The following BAALC variants were observed in gnomAD, a reference collection of about 807,000 sequenced individuals.
BAALC encodes BAALC binder of MAP3K1 and KLF4, also known as brain and acute leukemia cytoplasmic protein.
BAALC carries 9 observed loss-of-function variants against 15.5 expected under a neutral mutation model. That is an observed-to-expected ratio of 0.58 (90% confidence interval 0.35 to 1.02). The LOEUF is 1.02. Ranked by LOEUF, BAALC falls within the 50% of genes least tolerant of loss-of-function variation. The probability of loss-of-function intolerance (pLI) is 0.02; values close to 1 mark genes in which losing one functional copy is unlikely to be tolerated. For missense variants in BAALC, 201 were observed against 192.4 expected (o/e 1.04, Z -0.27); for synonymous variants, 80 against 74.6 (o/e 1.07, Z -0.37).
chr8:103,183,239 A>C (rs1222212249), intron 1 of BAALC: 1 of 658,680 alleles, frequency 1.5e-6, no homozygotes. Flanking sequence ...GACACCAGCA[A>C]GATGGCCAAG....
chr8:103,144,585 C>T (rs1290089376), intron 1 of BAALC, among the ~76,000 whole-genome samples: 1 of 152,170 alleles, frequency 6.6e-6, no homozygotes, highest in Non-Finnish European at 1.5e-5. Context: ...CTAGCTCAGT[C>T]ATTCCATTCA....
chr8:103,162,425 A>G (rs1440493236), intron 1 of BAALC, among the ~76,000 whole-genome samples: 4 of 152,238 alleles, frequency 2.6e-5, no homozygotes, highest in Non-Finnish European at 5.9e-5. Context: ...CAGATGGAAC[A>G]GCTGGGACTG....
chr8:103,161,054 C>G (rs6994179), intron 1 of BAALC, among the ~76,000 whole-genome samples: 1 of 152,044 alleles, frequency 6.6e-6, no homozygotes, highest in South Asian at 2.1e-4. Flanking sequence ...ACTTGCTAGA[C>G]AGGTAGGTTC....
chr8:103,199,335 T>A (rs1812162852), intron 1 of BAALC, among the ~76,000 whole-genome samples: 1 of 152,228 alleles, frequency 6.6e-6, no homozygotes. Flanking sequence ...TTTTAACTTT[T>A]GCCATTCTGA....
intron 1 of BAALC, among the ~76,000 whole-genome samples, chr8:103,186,659 G>A (rs1464509458): frequency 2.6e-5 from 4 of 152,060 alleles, no homozygotes; most frequent in Non-Finnish European, 4.4e-5. Flanking sequence ...ACCCCTTCCT[G>A]CTTTCTCTCA....
chr8:103,222,200 G>T (rs374920754), intron 2 of BAALC, among the ~76,000 whole-genome samples: 1 of 152,132 alleles, frequency 6.6e-6, no homozygotes, highest in African/African-American at 2.4e-5. Context: ...GAGAGAGCAG[G>T]TTGTAAATTT....
At chr8:103,180,282 G>A (rs1028380983) in intron 1 of BAALC, among the ~76,000 whole-genome samples, 1 of 152,048 alleles carries the variant, frequency 6.6e-6, no homozygotes, top group African/African-American at 2.4e-5. Context: ...GGTGGTGCCC[G>A]TGGTTTACTG....
intron 1 of BAALC, among the ~76,000 whole-genome samples, chr8:103,209,403 C>G (rs888735794): frequency 2.0e-5 from 3 of 152,136 alleles, no homozygotes; most frequent in African/African-American, 7.2e-5. Flanking sequence ...GTATGGCACA[C>G]TGGGGGAGAC....
chr8:103,225,267 C>T (rs1812778931), intron 2 of BAALC, among the ~76,000 whole-genome samples: 1 of 152,180 alleles, frequency 6.6e-6, no homozygotes, highest in African/African-American at 2.4e-5. Context: ...TATGATGTCT[C>T]AGAACTGTGC....
chr8:103,207,419 A>T (rs117754814), intron 1 of BAALC, among the ~76,000 whole-genome samples: 9 of 152,312 alleles, frequency 5.9e-5, no homozygotes, highest in East Asian at 3.9e-4. Flanking sequence ...AAGGAAAAGG[A>T]CTTTGAGTCT....
chr8:103,228,261 G>A lies in BAALC; in HGVS notation c.*162G>A, dbSNP rs749280430. 1.7e-5 allele frequency: 10 copies of A among 597,678 alleles called. No homozygotes were observed. The highest frequency in any genetic ancestry group is 3.0e-5 in the Admixed American group (1 of 33,082). 37.0% of individuals were successfully genotyped at this position (597,678 alleles called of 1,614,324 possible). A position where few individuals can be genotyped will look rare whatever the true frequency, so the allele number is the denominator to read the frequency against. On this transcript the variant is annotated 3_prime_UTR_variant, in exon 3 of 3. Coordinates refer to ENST00000309982, the MANE Select transcript of BAALC (RefSeq NM_024812.3). ...CTGGCAGCAAACTGCTGCCTGATTT[G>A]TTGGGACCTTCTGAGCCTTCTACTT...
At chr8:103,187,450 G>T (rs1218857406) in intron 1 of BAALC, among the ~76,000 whole-genome samples, 1 of 152,164 alleles carries the variant, frequency 6.6e-6, no homozygotes, top group Non-Finnish European at 1.5e-5. Context: ...TGTCAATACT[G>T]CTGAGACTGA....
At chr8:103,144,867 T>C (rs1475162206) in intron 1 of BAALC, among the ~76,000 whole-genome samples, 1 of 152,206 alleles carries the variant, frequency 6.6e-6, no homozygotes, top group Non-Finnish European at 1.5e-5. Flanking sequence ...TATTAATGAC[T>C]TACTGGGGCC....
At chr8:103,205,895 G>A (rs1464128294) in intron 1 of BAALC, among the ~76,000 whole-genome samples, 1 of 152,166 alleles carries the variant, frequency 6.6e-6, no homozygotes, top group Non-Finnish European at 1.5e-5. Flanking sequence ...GAGGAGTGGT[G>A]TGGAGTAGAC....
At chr8:103,193,277 C>T (rs553481734) in intron 1 of BAALC, among the ~76,000 whole-genome samples, 25 of 152,236 alleles carry the variant, frequency 1.6e-4, no homozygotes, top group Non-Finnish European at 3.4e-4. Context: ...TCTGGGTCTC[C>T]TGCTTCAGCT....
intron 1 of BAALC, among the ~76,000 whole-genome samples, chr8:103,184,566 G>A (rs1811792638): frequency 6.6e-6 from 1 of 152,158 alleles, no homozygotes; most frequent in South Asian, 2.1e-4. Flanking sequence ...TCACATAGCT[G>A]GTGACGACAG....
intron 1 of BAALC, among the ~76,000 whole-genome samples, chr8:103,192,404 A>G (rs181264580): frequency 2.0e-5 from 3 of 152,346 alleles, no homozygotes; most frequent in Admixed American, 6.5e-5. Flanking sequence ...GTCAAACATA[A>G]TCCTGTTCAT....
At chr8:103,226,515 C>T (rs1250136323) in intron 2 of BAALC, among the ~76,000 whole-genome samples, 2 of 152,302 alleles carry the variant, frequency 1.3e-5, no homozygotes, top group Non-Finnish European at 1.5e-5. Flanking sequence ...CTGTGTCCAT[C>T]CACTAGTGGA....
rs541861860 is a variant in BAALC at position 103,179,254 on chromosome 8, G to A, written c.161-33665G>A. ...TGTTGGGGGTGCTGTCGTGGGCACT[G>A]TAGGATGTTTAGTAGCATGTGTGGC... On this transcript the variant is annotated intron_variant, in intron 1 of 2. Transcript: ENST00000309982. Among the ~76,000 whole-genome samples, 4 of 152,262 alleles carry A rather than the reference G, an allele frequency of 2.6e-5. No individual in the cohort carries two copies. The South Asian group carries it at 8.3e-4, about 32-fold the overall frequency.
Sources: gnomAD v4.1 joint callset for allele counts (sites outside exome capture counted in the v4.1 genomes callset) on GRCh38, gnomAD v4.1.1 for gene constraint, MANE v1.5 for transcripts, NCBI Gene and HGNC (gene_info 2026-07-23, HGNC 2026-07-21) for gene names.